Variants in PDE11A observed in about 807,000 individuals in gnomAD.
The protein encoded by PDE11A is phosphodiesterase 11A, also known as dual 3',5'-cyclic-AMP and -GMP phosphodiesterase 11A.
In PDE11A, 100 loss-of-function variants were observed where a neutral mutation model predicts 100.5. The observed-to-expected ratio is 1.00, with a 90% CI of 0.85 to 1.18. The LOEUF is 1.18. PDE11A is among the 50% of genes most tolerant of loss of function. PDE11A has a pLI of 0.00. For missense variants in PDE11A, 1,141 were observed against 1,152.6 expected, an observed-to-expected ratio of 0.99 and a Z score of 0.15; for synonymous variants, 381 against 420.8, an observed-to-expected ratio of 0.91 and a Z score of 1.16.
intron 19 of PDE11A, among the ~76,000 whole-genome samples, chr2:177,634,532 C>T (rs145400711): frequency 5.0e-4 from 76 of 151,996 alleles, no homozygotes; most frequent in African/African-American, 1.8e-3. Flanking sequence ...GGACTACAGG[C>T]GCCCGCCACC....
At chr2:177,837,165 T>C (rs1433499548) in intron 6 of PDE11A, among the ~76,000 whole-genome samples, 2 of 152,186 alleles carry the variant, frequency 1.3e-5, no homozygotes, top group Non-Finnish European at 2.9e-5. Flanking sequence ...AAAGTTTTGA[T>C]TAATGAAAAA....
intron 3 of PDE11A, among the ~76,000 whole-genome samples, chr2:177,900,731 C>T (rs1261725504): frequency 1.3e-5 from 2 of 151,554 alleles, no homozygotes; most frequent in Admixed American, 6.6e-5. Flanking sequence ...GCACTACAGC[C>T]TGGATGACAG....
At chr2:178,012,914 A>G (rs981203262) in intron 2 of PDE11A, among the ~76,000 whole-genome samples, 1 of 152,200 alleles carries the variant, frequency 6.6e-6, no homozygotes, top group Admixed American at 6.5e-5. Context: ...ACATCATCTC[A>G]GGACTCTGCC....
chr2:178,075,208 G>A (rs951469101), upstream of PDE11A, among the ~76,000 whole-genome samples: 4 of 152,134 alleles, frequency 2.6e-5, no homozygotes, highest in African/African-American at 9.7e-5. Flanking sequence ...TGGAAGGAAA[G>A]AAGATTGGAT....
At chr2:177,814,879 A>C (rs2083011841) in intron 9 of PDE11A, among the ~76,000 whole-genome samples, 1 of 152,126 alleles carries the variant, frequency 6.6e-6, no homozygotes, top group African/African-American at 2.4e-5. Flanking sequence ...CCTTTTACTG[A>C]ATCTTCCCAT....
In PDE11A at chr2:177,637,997, A is replaced by ATTTTT. The variant is rs10556235; in HGVS notation, c.2647-8440_2647-8436dup. Among the ~76,000 whole-genome samples the ATTTTT allele has an allele frequency of 2.0e-4, 21 of 106,522 alleles. 1 individual carries two copies. The highest frequency in any genetic ancestry group is 8.5e-4 in the African/African-American group (21 of 24,728). 69.9% of individuals were successfully genotyped at this position (106,522 alleles called of 152,430 possible). A position where few individuals can be genotyped will look rare whatever the true frequency, so the allele number is the denominator to read the frequency against. On this transcript the variant is annotated intron_variant, in intron 19 of 19. Coordinates refer to ENST00000286063, the MANE Select transcript of PDE11A (RefSeq NM_016953.4). ...TACACGTGTATATATATATATATATATTTTTTTTTTTTTTTTTTTTGAGAT... is the reference window on the plus strand; with the variant it reads ...TACACGTGTATATATATATATATATATTTTTTTTTTTTTTTTTTTTTTTTTGAGAT...
intron 10 of PDE11A, among the ~76,000 whole-genome samples, chr2:177,737,975 C>G (rs2081817368): frequency 6.6e-6 from 1 of 152,144 alleles, no homozygotes; most frequent in Non-Finnish European, 1.5e-5. Flanking sequence ...TAGTTTTTCC[C>G]AAACCATGCC....
chr2:177,885,166 T>C (rs2084408867), intron 4 of PDE11A, among the ~76,000 whole-genome samples: 1 of 151,878 alleles, frequency 6.6e-6, no homozygotes, highest in Non-Finnish European at 1.5e-5. Context: ...TGAGTTAATA[T>C]GTATGAACAA....
intron 15 of PDE11A, 29 bp from the exon 16 acceptor site, chr2:177,680,932 G>T (rs374356377): frequency 2.7e-6 from 3 of 1,110,126 alleles, no homozygotes; most frequent in Non-Finnish European, 3.9e-6. Flanking sequence ...AAGAAAGAAA[G>T]AAAAAAAAAA....
At chr2:177,759,995 G>T (rs961598592) in intron 10 of PDE11A, among the ~76,000 whole-genome samples, 4 of 152,054 alleles carry the variant, frequency 2.6e-5, no homozygotes, top group Non-Finnish European at 5.9e-5. Flanking sequence ...TGAATCAAAA[G>T]AAATGACTTA....
At chr2:177,772,857 A>G (rs2082329088) in intron 9 of PDE11A, among the ~76,000 whole-genome samples, 1 of 152,164 alleles carries the variant, frequency 6.6e-6, no homozygotes, top group African/African-American at 2.4e-5. Context: ...AGTTCTTTGT[A>G]TATTTTGGAT....
intron 6 of PDE11A, among the ~76,000 whole-genome samples, chr2:177,823,902 TC>T (rs2083185580): frequency 6.6e-6 from 1 of 152,118 alleles, no homozygotes; most frequent in Non-Finnish European, 1.5e-5. Flanking sequence ...CAACAGTAGC[TC>T]CTGTCTAACG....
At chr2:177,843,819 A>G (rs1191352291) in intron 5 of PDE11A, among the ~76,000 whole-genome samples, 1 of 152,226 alleles carries the variant, frequency 6.6e-6, no homozygotes, top group Admixed American at 6.5e-5. Context: ...TTCAAATGAA[A>G]AATTTTTCAC....
At chr2:177,917,529 G>A (rs1290310190) in intron 2 of PDE11A, among the ~76,000 whole-genome samples, 1 of 152,178 alleles carries the variant, frequency 6.6e-6, no homozygotes, top group Non-Finnish European at 1.5e-5. Flanking sequence ...AAAATGTAAG[G>A]TATAAATATG....
chr2:177,737,449 A>ACACACACACACACACT (rs55844103), intron 10 of PDE11A, among the ~76,000 whole-genome samples: 1 of 148,044 alleles, frequency 6.8e-6, no homozygotes, highest in Non-Finnish European at 1.5e-5. Flanking sequence ...ACACACACAC[A>ACACACACACACACACT]AATTAGCCAG....
chr2:177,649,072 A>G (rs2080267646), intron 19 of PDE11A, among the ~76,000 whole-genome samples: 1 of 152,166 alleles, frequency 6.6e-6, no homozygotes, highest in African/African-American at 2.4e-5. Context: ...CTATAATGAG[A>G]TAGATTTTAT....
intron 2 of PDE11A, among the ~76,000 whole-genome samples, chr2:178,006,801 T>G (rs529447454): frequency 9.0e-6 from 1 of 110,834 alleles, no homozygotes; most frequent in Non-Finnish European, 1.8e-5. Flanking sequence ...TACTTTCACT[T>G]AATTCCATTT....
At chr2:177,744,966 C>T (rs1374992273) in intron 10 of PDE11A, among the ~76,000 whole-genome samples, 2 of 152,206 alleles carry the variant, frequency 1.3e-5, no homozygotes, top group African/African-American at 4.8e-5. Context: ...GCCAACCCAT[C>T]GCTCAAATAT....
intron 2 of PDE11A, among the ~76,000 whole-genome samples, chr2:177,949,327 G>A (rs2085479274): frequency 6.6e-6 from 1 of 152,084 alleles, no homozygotes. Flanking sequence ...TTACAAATTT[G>A]AGAAACACAG....
Sources: gnomAD v4.1 joint callset for allele counts (sites outside exome capture counted in the v4.1 genomes callset) on GRCh38, gnomAD v4.1.1 for gene constraint, MANE v1.5 for transcripts, NCBI Gene and HGNC (gene_info 2026-07-23, HGNC 2026-07-21) for gene names.